Variants in SGIP1 observed in about 807,000 individuals in gnomAD.
SGIP1 encodes the protein SH3-containing GRB2-like protein 3-interacting protein 1.
In SGIP1, 38 loss-of-function variants were observed where a neutral mutation model predicts 107.5. The observed-to-expected ratio is 0.35, with a 90% CI of 0.27 to 0.46. SGIP1 has a LOEUF of 0.46. Among genes scored for constraint, SGIP1 ranks in the 20% least tolerant of loss-of-function variants. The pLI is 1.00. For synonymous variants in SGIP1, 365 were observed against 366.1 expected, an observed-to-expected ratio of 1.00 and a Z score of 0.03; for missense variants, 929 against 1,019.5, an observed-to-expected ratio of 0.91 and a Z score of 1.21.
chr1:66,534,161 G>C lies in SGIP1; in HGVS notation c.-198G>C, dbSNP rs1047293800. The C allele has an allele frequency of 1.6e-6, 1 of 617,796 alleles. No individual in the cohort carries two copies. Among genetic ancestry groups the C allele is most frequent in the Non-Finnish European group, 2.9e-6 (1 of 344,822 alleles). 38.3% of individuals were successfully genotyped at this position (617,796 alleles called of 1,614,324 possible). A position where few individuals can be genotyped will look rare whatever the true frequency, so the allele number is the denominator to read the frequency against. On this transcript the variant is annotated 5_prime_UTR_variant, in exon 1 of 25. Transcript: ENST00000371037. ...TCTCCCTTTCTCTCAGCATCTTCTT[G>C]GTAGCCTGCCTGTAGGTGAAGAAGC...
chr1:66,595,026 T>C (rs1207995496), intron 1 of SGIP1, among the ~76,000 whole-genome samples: 1 of 152,220 alleles, frequency 6.6e-6, no homozygotes, highest in Non-Finnish European at 1.5e-5. Context: ...AAGGAGTTCC[T>C]GGCTTGAGCC....
intron 1 of SGIP1, among the ~76,000 whole-genome samples, chr1:66,606,043 T>G (rs892450217): frequency 6.6e-6 from 1 of 152,220 alleles, no homozygotes; most frequent in Non-Finnish European, 1.5e-5. Context: ...TAGACATAGA[T>G]AATTTCAAAA....
chr1:66,592,424 C>T (rs1170701463), intron 1 of SGIP1, among the ~76,000 whole-genome samples: 2 of 152,180 alleles, frequency 1.3e-5, no homozygotes, highest in African/African-American at 2.4e-5. Flanking sequence ...AGGGTTGGGG[C>T]TAGGGTTACA....
rs549403829 is a variant in SGIP1 at position 66,723,379 on chromosome 1, C to T, written c.1742+3974C>T. On this transcript the variant is annotated intron_variant, in intron 19 of 24. Coordinates refer to ENST00000371037, the MANE Select transcript of SGIP1 (RefSeq NM_032291.4). ...AGTTATACTGTAAATATTCGGAGCA[C>T]CCATAACAGGTATTCTGACATGTAA... Among the ~76,000 whole-genome samples, 17 of 152,252 alleles carry T rather than the reference C, an allele frequency of 1.1e-4. No homozygotes were observed. In the South Asian group the frequency reaches 3.1e-3, roughly 28 times the overall value.
chr1:66,618,030 C>G (rs1389077427), intron 1 of SGIP1, among the ~76,000 whole-genome samples: 1 of 146,318 alleles, frequency 6.8e-6, no homozygotes, highest in African/African-American at 2.5e-5. Flanking sequence ...GATATAGAAT[C>G]AATATAATAG....
intron 1 of SGIP1, among the ~76,000 whole-genome samples, chr1:66,547,875 C>A (rs940894237): frequency 6.6e-6 from 1 of 152,096 alleles, no homozygotes; most frequent in African/African-American, 2.4e-5. Context: ...AGAAGGGGCA[C>A]TTGAACTGAG....
intron 7 of SGIP1, among the ~76,000 whole-genome samples, chr1:66,653,735 A>G (rs1290742762): frequency 6.6e-6 from 1 of 152,216 alleles, no homozygotes; most frequent in Non-Finnish European, 1.5e-5. Flanking sequence ...GAAGTAGCAA[A>G]TTATTGAATT....
intron 1 of SGIP1, among the ~76,000 whole-genome samples, chr1:66,589,457 A>G (rs1326922094): frequency 6.6e-6 from 1 of 151,910 alleles, no homozygotes; most frequent in Non-Finnish European, 1.5e-5. Context: ...GAAGGGCAAG[A>G]GTCCCTGAAG....
intron 2 of SGIP1, among the ~76,000 whole-genome samples, chr1:66,632,559 A>G (rs932482761): frequency 6.6e-6 from 1 of 152,192 alleles, no homozygotes; most frequent in African/African-American, 2.4e-5. Context: ...GGTTCGCTGG[A>G]GCCCAGCAGT....
At chr1:66,726,543 C>G (rs1411308768) in intron 19 of SGIP1, among the ~76,000 whole-genome samples, 5 of 152,114 alleles carry the variant, frequency 3.3e-5, no homozygotes, top group African/African-American at 1.2e-4. Context: ...CCAAATAAAT[C>G]TATAGAACAG....
chr1:66,584,259 T>G, intron 1 of SGIP1, among the ~76,000 whole-genome samples: 1 of 152,158 alleles, frequency 6.6e-6, no homozygotes, highest in East Asian at 1.9e-4. Flanking sequence ...TGAATGTTAG[T>G]AAGCATCAGC....
intron 18 of SGIP1, among the ~76,000 whole-genome samples, chr1:66,707,645 C>G (rs1243260918): frequency 6.6e-6 from 1 of 152,116 alleles, no homozygotes; most frequent in Non-Finnish European, 1.5e-5. Context: ...AATTCTGTAT[C>G]TTAGATTCCA....
At chr1:66,590,624 G>A (rs1165974725) in intron 1 of SGIP1, 3 of 151,984 alleles carry the variant, frequency 2.0e-5, no homozygotes, top group African/African-American at 7.3e-5. Flanking sequence ...AATAAACCCC[G>A]ATACATCTAG....
chr1:66,556,094 A>T (rs1464289716), intron 1 of SGIP1, among the ~76,000 whole-genome samples: 1 of 152,164 alleles, frequency 6.6e-6, no homozygotes, highest in Non-Finnish European at 1.5e-5. Context: ...AAACAAACAA[A>T]CAAAAATAGC....
intron 1 of SGIP1, among the ~76,000 whole-genome samples, chr1:66,589,957 G>A (rs145919760): frequency 6.9e-6 from 1 of 145,300 alleles, no homozygotes; most frequent in East Asian, 2.0e-4. Context: ...ATGGAATATT[G>A]CAGATTCTCT....
intron 4 of SGIP1, 143 bp downstream of exon 4, chr1:66,636,158 A>C: frequency 1.3e-6 from 1 of 744,352 alleles, no homozygotes; most frequent in Non-Finnish European, 2.2e-6. Context: ...TGACTTCTTG[A>C]ATGTCTGGGG....
intron 1 of SGIP1, among the ~76,000 whole-genome samples, chr1:66,546,553 G>T (rs994396): frequency 6.6e-6 from 1 of 151,998 alleles, no homozygotes; most frequent in Non-Finnish European, 1.5e-5. Context: ...TTCCTCTGTC[G>T]TCAAATATTT....
chr1:66,667,422 T>C, intron 8 of SGIP1, 108 bp from the exon 9 acceptor site: 1 of 984,254 alleles, frequency 1.0e-6, no homozygotes, highest in South Asian at 1.3e-5. Flanking sequence ...TTCTCTGGAG[T>C]GTATGTTTGG....
Position 66,589,252 on chromosome 1 carries a change from A to G in SGIP1, c.11-36595A>G, listed in dbSNP as rs185283019. ...GGGGTAAAGAGAAGGTGAAGGATTC[A>G]GAAATTTCTCATGACTTAAATGGAA... On this transcript the variant is annotated intron_variant, in intron 1 of 24. Transcript: ENST00000371037. Among the ~76,000 whole-genome samples the G allele has an allele frequency of 2.2e-4, 29 of 133,554 alleles. 1 individual carries two copies. Among genetic ancestry groups the G allele is most frequent in the African/African-American group, 6.7e-4 (25 of 37,574 alleles). The allele number at this position is 133,554 out of a possible 152,430, so 87.6% of individuals were successfully genotyped here. A position where few individuals can be genotyped will look rare whatever the true frequency, so the allele number is the denominator to read the frequency against.
Sources: allele counts gnomAD v4.1 joint callset (sites outside exome capture counted in the v4.1 genomes callset), GRCh38; gene constraint gnomAD v4.1.1; transcripts MANE v1.5; gene names NCBI Gene and HGNC (gene_info 2026-07-23, HGNC 2026-07-21).